The following PPP1R16B variants were observed in gnomAD, a reference collection of about 807,000 sequenced individuals.
PPP1R16B encodes protein phosphatase 1 regulatory subunit 16B, also known as protein phosphatase 1 regulatory inhibitor subunit 16B.
PPP1R16B carries 14 observed loss-of-function variants against 61.7 expected under a neutral mutation model. The ratio of observed to expected loss-of-function variants is 0.23; its 90% CI spans 0.15 to 0.35. The LOEUF is 0.35. PPP1R16B is among the 10% of genes least tolerant of loss of function. The pLI is 1.00. For synonymous variants in PPP1R16B, 266 were observed against 305.3 expected (o/e 0.87, Z 1.34); for missense variants, 547 against 752.5 (o/e 0.73, Z 3.19).
In PPP1R16B at chr20:38,836,156, G is replaced by A. The variant is rs2084870389; in HGVS notation, c.231G>A (p.Leu77=). Residue 77 remains leucine, a synonymous_variant, in exon 2 of 11, where the codon CTG becomes CTA. Transcript: ENST00000299824. The stretch of plus-strand genomic sequence containing the variant: ...GCGTGGCCCTGCTGGAGGCCTCGCT[G>A]AGGAACGACGCCGAGGAAGGTAGGC... ...EASVALLEAS[L]RNDAEEVRYF... is the part of the protein sequence containing the mutation. The A allele has an allele frequency of 6.2e-7, 1 of 1,610,748 alleles. No homozygotes were observed. Among genetic ancestry groups the A allele is most frequent in the Non-Finnish European group, 8.5e-7 (1 of 1,179,422 alleles).
chr20:38,909,067 T>TC (rs1409657421), intron 10 of PPP1R16B, among the ~76,000 whole-genome samples: 1 of 152,148 alleles, frequency 6.6e-6, no homozygotes, highest in African/African-American at 2.4e-5. Context: ...AGTGGCATGA[T>TC]TATAGATCAC....
At chr20:38,861,852 T>G (rs531168519) in intron 2 of PPP1R16B, among the ~76,000 whole-genome samples, 15 of 151,764 alleles carry the variant, frequency 9.9e-5, no homozygotes, top group Non-Finnish European at 2.2e-4. Flanking sequence ...AATTTTTGTA[T>G]TTTTAGTAGA....
Position 38,918,839 on chromosome 20 carries a change from G to A in PPP1R16B, c.*173G>A, listed in dbSNP as rs979198869. 1.2e-5 allele frequency: 9 copies of A among 775,914 alleles called. No individual in the cohort carries two copies. Among genetic ancestry groups the A allele is most frequent in the African/African-American group, 1.8e-5 (1 of 56,568 alleles). The allele number at this position is 775,914 out of a possible 1,614,324, so 48.1% of individuals were successfully genotyped here. ...CTGCCCATAGCATCCCATGTCCCAC[G>A]TCCCGTGGTTCTGCTTCCTGCTGCA... On this transcript the variant is annotated 3_prime_UTR_variant, in exon 11 of 11. Coordinates refer to ENST00000299824, the MANE Select transcript of PPP1R16B (RefSeq NM_015568.4). The surrounding 1 kb of genome is among the most constrained non-coding windows in gnomAD (Gnocchi z 5.3).
intron 2 of PPP1R16B, among the ~76,000 whole-genome samples, chr20:38,851,317 T>C (rs907678233): frequency 6.6e-6 from 1 of 151,756 alleles, no homozygotes; most frequent in Non-Finnish European, 1.5e-5. Flanking sequence ...ATACAAAAAT[T>C]AGCTGGGCAT....
chr20:38,895,535 G>A lies in PPP1R16B; in HGVS notation c.322-30G>A, dbSNP rs147809049. 791 of 1,610,342 alleles carry A rather than the reference G, an allele frequency of 4.9e-4. 7 individuals are homozygous for A. In the African/African-American group the frequency reaches 9.6e-3, roughly 19 times the overall value. On this transcript the variant is annotated intron_variant, in intron 3 of 10. Transcript: ENST00000299824. Reference sequence around the variant, plus strand: ...GGCCCGGGGCCCAGTGCCCTGCCTGGAGCTGACTCTGCCTGTGTGTCTCTC... The same window carrying A: ...GGCCCGGGGCCCAGTGCCCTGCCTGAAGCTGACTCTGCCTGTGTGTCTCTC...
chr20:38,876,045 C>T (rs2085163885), intron 2 of PPP1R16B, among the ~76,000 whole-genome samples: 1 of 137,916 alleles, frequency 7.3e-6, no homozygotes, highest in Non-Finnish European at 1.5e-5. Context: ...GGGATCTTAA[C>T]TCACTGCAAC....
intron 2 of PPP1R16B, among the ~76,000 whole-genome samples, chr20:38,883,758 G>A (rs975851918): frequency 1.3e-5 from 2 of 152,238 alleles, no homozygotes; most frequent in African/African-American, 4.8e-5. Context: ...CCAGCACAGG[G>A]TGGCACACAA....
chr20:38,855,939 T>TAGAGAGAGAGAGAG (rs1225817106), intron 2 of PPP1R16B, among the ~76,000 whole-genome samples: 1 of 31,210 alleles, frequency 3.2e-5, no homozygotes, highest in Non-Finnish European at 5.1e-5. Flanking sequence ...TATATATATA[T>TAGAGAGAGAGAGAG]ATATAGAGAG....
chr20:38,849,585 C>T (rs2084954309), intron 2 of PPP1R16B, among the ~76,000 whole-genome samples: 1 of 151,472 alleles, frequency 6.6e-6, no homozygotes, highest in Non-Finnish European at 1.5e-5. Context: ...GCTGTTGACT[C>T]ATATTGAATT....
intron 2 of PPP1R16B, among the ~76,000 whole-genome samples, chr20:38,853,049 G>C (rs2084980185): frequency 1.3e-5 from 2 of 152,092 alleles, no homozygotes; most frequent in Non-Finnish European, 2.9e-5. Flanking sequence ...TGGAATTACA[G>C]GCATGACCCA....
chr20:38,881,783 CT>C (rs2085205284), intron 2 of PPP1R16B, among the ~76,000 whole-genome samples: 2 of 152,314 alleles, frequency 1.3e-5, no homozygotes, highest in African/African-American at 4.8e-5. Flanking sequence ...TTTCTCTTAG[CT>C]TTTTGCCATC....
At chr20:38,895,136 C>G (rs1411785110) in intron 3 of PPP1R16B, among the ~76,000 whole-genome samples, 4 of 152,214 alleles carry the variant, frequency 2.6e-5, no homozygotes, top group Admixed American at 2.0e-4. Context: ...CACACACACC[C>G]CTGCCTCAAC....
intron 2 of PPP1R16B, among the ~76,000 whole-genome samples, chr20:38,852,193 G>A (rs1163996389): frequency 6.6e-6 from 1 of 152,192 alleles, no homozygotes; most frequent in Non-Finnish European, 1.5e-5. Context: ...AGGACAATCT[G>A]ATTATGGAAA....
At chr20:38,867,724 G>A (rs1402610619) in intron 2 of PPP1R16B, among the ~76,000 whole-genome samples, 1 of 151,540 alleles carries the variant, frequency 6.6e-6, no homozygotes, top group African/African-American at 2.4e-5. Flanking sequence ...CCAGGCTGGA[G>A]TGCCATGGTG....
intron 1 of PPP1R16B, among the ~76,000 whole-genome samples, chr20:38,831,057 A>G (rs1044767206): frequency 6.6e-6 from 1 of 152,240 alleles, no homozygotes; most frequent in African/African-American, 2.4e-5. Flanking sequence ...TGGACATTTT[A>G]TCCTCCAGTG....
intron 5 of PPP1R16B, among the ~76,000 whole-genome samples, chr20:38,902,283 G>T (rs1414523486): frequency 6.6e-6 from 1 of 152,228 alleles, no homozygotes; most frequent in Admixed American, 6.5e-5. Context: ...AACTAACAGA[G>T]ACCCTGGTCA....
intron 3 of PPP1R16B, among the ~76,000 whole-genome samples, chr20:38,890,572 C>T (rs1340125186): frequency 2.0e-5 from 3 of 152,222 alleles, no homozygotes; most frequent in Non-Finnish European, 2.9e-5. Flanking sequence ...CCTCTTCCTT[C>T]GTAATTAGTC....
At chr20:38,835,741 C>A in intron 1 of PPP1R16B, 84 bp from the exon 2 acceptor site, 2 of 701,530 alleles carry the variant, frequency 2.9e-6, no homozygotes, top group Non-Finnish European at 4.5e-6. Flanking sequence ...AAAAGCGTTT[C>A]GAACACGGGG....
In PPP1R16B at chr20:38,922,566, C is replaced by T. The variant is rs891458855; in HGVS notation, c.*3900C>T. On this transcript the variant is annotated 3_prime_UTR_variant, in exon 11 of 11. Transcript: ENST00000299824. ...TCCCCAACAGGTCTCTCTTGTTGGCCAGAGGGCCTGCTTCCCATGGGCATT... is the reference window on the plus strand; with the variant it reads ...TCCCCAACAGGTCTCTCTTGTTGGCTAGAGGGCCTGCTTCCCATGGGCATT... The T allele has an allele frequency of 6.6e-6, 1 of 152,652 alleles. No individual in the cohort carries two copies. The highest frequency in any genetic ancestry group is 6.5e-5 in the Admixed American group (1 of 15,288). 9.5% of individuals were successfully genotyped at this position (152,652 alleles called of 1,614,324 possible). A position where few individuals can be genotyped will look rare whatever the true frequency, so the allele number is the denominator to read the frequency against.
Sources: gnomAD v4.1 joint callset for allele counts (sites outside exome capture counted in the v4.1 genomes callset) on GRCh38, gnomAD v4.1.1 for gene constraint, Gnocchi (gnomAD v3.1) non-coding constraint, MANE v1.5 for transcripts, NCBI Gene and HGNC (gene_info 2026-07-23, HGNC 2026-07-21) for gene names.